Variants in TENM1 observed in about 807,000 individuals in gnomAD.
TENM1 encodes the protein teneurin-1.
TENM1 carries 35 observed loss-of-function variants against 174.8 expected under a neutral mutation model. That is an observed-to-expected ratio of 0.20 (90% CI 0.15 to 0.27). TENM1 has a LOEUF of 0.27. Among genes scored for constraint, TENM1 ranks in the 10% least tolerant of loss-of-function variants. The pLI, the probability that TENM1 is intolerant of heterozygous loss-of-function variation, is 1.00. For missense variants in TENM1, 1,633 were observed against 2,130.1 expected, an observed-to-expected ratio of 0.77 and a Z score of 4.59; for synonymous variants, 781 against 798.7, an observed-to-expected ratio of 0.98 and a Z score of 0.37.
At chrX:125,051,956 G>A in the TENM1 span, among the ~76,000 whole-genome samples, 2 of 109,625 alleles carry the variant, frequency 1.8e-5, no homozygotes, top group East Asian at 5.7e-4. Context: ...CTGACAAAGG[G>A]CTAATATCCA....
At chrX:124,790,829 A>G (rs1023299222) in intron 3 of TENM1, among the ~76,000 whole-genome samples, 13 of 111,569 alleles carry the variant, frequency 1.2e-4, no homozygotes, top group African/African-American at 4.2e-4. Flanking sequence ...ACTGATTTAT[A>G]GAATACTTAT....
intron 11 of TENM1, among the ~76,000 whole-genome samples, chrX:124,587,269 T>G (rs760442177): frequency 9.1e-6 from 1 of 110,159 alleles, no homozygotes; most frequent in Admixed American, 9.6e-5. Flanking sequence ...GGAGGCATCA[T>G]GCTACCTGAC....
At chrX:124,653,250 G>A (rs2051355984) in intron 7 of TENM1, among the ~76,000 whole-genome samples, 1 of 111,661 alleles carries the variant, frequency 9.0e-6, no homozygotes, top group African/African-American at 3.3e-5. Flanking sequence ...GGACACAGAT[G>A]TATGAAATCA....
At chrX:124,907,941 G>T (rs758123811) in intron 1 of TENM1, among the ~76,000 whole-genome samples, 49 of 111,665 alleles carry the variant, frequency 4.4e-4, no homozygotes, top group African/African-American at 1.4e-3. Flanking sequence ...TCTATTAGCT[G>T]TGGAAGTTGG....
chrX:124,772,935 T>C (rs900343877), intron 3 of TENM1, among the ~76,000 whole-genome samples: 4 of 111,813 alleles, frequency 3.6e-5, no homozygotes, highest in African/African-American at 6.5e-5. Context: ...AGTAAGTCTT[T>C]ATTGACAAAA....
rs775983824 is a variant in TENM1, at chrX:124,756,908, G to A, written c.536-19711C>T. 1.5e-4 allele frequency among the ~76,000 whole-genome samples: 17 copies of A among 111,990 alleles called. No individual in the cohort carries two copies. In the East Asian group the frequency reaches 3.9e-3, roughly 26 times the overall value. ...GGTGTCAGTGTGCCCCTACTGGGGG[G>A]TGCCTCCCAGTTAGGCTGCTCGGGG... On this transcript the variant is annotated intron_variant, in intron 3 of 31. Coordinates refer to ENST00000422452, the Ensembl canonical transcript of TENM1.
intron 1 of TENM1, among the ~76,000 whole-genome samples, chrX:124,957,188 C>T (rs2058586171): frequency 9.7e-6 from 1 of 103,257 alleles, no homozygotes; most frequent in African/African-American, 4.2e-5. Flanking sequence ...AACAAATGGA[C>T]GGATGGATAG....
intron 3 of TENM1, among the ~76,000 whole-genome samples, chrX:124,848,705 A>C (rs1274149645): frequency 9.0e-6 from 1 of 110,869 alleles, no homozygotes; most frequent in East Asian, 2.8e-4. Flanking sequence ...AAAATGGGAA[A>C]TCTCCTAATT....
chrX:125,077,567 T>TTA, the TENM1 span, among the ~76,000 whole-genome samples: 1 of 111,408 alleles, frequency 9.0e-6, no homozygotes, highest in Non-Finnish European at 1.9e-5. Flanking sequence ...TATTCTCATG[T>TTA]TAAGAATGCT....
At chrX:125,018,032 T>TA in the TENM1 span, among the ~76,000 whole-genome samples, 3 of 111,726 alleles carry the variant, frequency 2.7e-5, no homozygotes, top group Non-Finnish European at 5.7e-5. Context: ...AAATTAAATT[T>TA]AAAAAAGCAA....
intron 3 of TENM1, among the ~76,000 whole-genome samples, chrX:124,781,079 T>G (rs1031738377): frequency 8.9e-6 from 1 of 111,839 alleles, no homozygotes; most frequent in Non-Finnish European, 1.9e-5. Flanking sequence ...TTGTTTACCT[T>G]TATGTTAACC....
chrX:124,405,578 G>C (rs755760074), intron 26 of TENM1, among the ~76,000 whole-genome samples: 7 of 110,917 alleles, frequency 6.3e-5, no homozygotes, highest in Non-Finnish European at 1.3e-4. Context: ...TGTTGGATCA[G>C]CCTCCTCAGT....
intron 11 of TENM1, among the ~76,000 whole-genome samples, chrX:124,626,489 C>A (rs1379303115): frequency 1.8e-5 from 2 of 111,945 alleles, no homozygotes; most frequent in Non-Finnish European, 3.8e-5. Context: ...TGGACTGCTG[C>A]TGAATGCCTG....
exon 32 of TENM1, chrX:124,375,953 T>C (rs1221286544): frequency 8.9e-6 from 1 of 112,836 alleles, no homozygotes; most frequent in East Asian, 2.8e-4. Flanking sequence ...AAAGTACTTT[T>C]CTTTCAAATA....
At chrX:124,559,996 GAAGATGTGC>G (rs1042697656) in intron 14 of TENM1, among the ~76,000 whole-genome samples, 4 of 110,662 alleles carry the variant, frequency 3.6e-5, no homozygotes, top group African/African-American at 1.3e-4. Context: ...GAGAAGACAT[GAAGATGTGC>G]CAGGTAAAAG....
chrX:124,451,268 T>C (rs1370616519), intron 23 of TENM1, among the ~76,000 whole-genome samples: 4 of 109,946 alleles, frequency 3.6e-5, no homozygotes, highest in African/African-American at 1.3e-4. Flanking sequence ...TTTTCTTTTA[T>C]CCTCACTGGC....
chrX:125,190,273 G>A, the TENM1 span, among the ~76,000 whole-genome samples: 2 of 112,096 alleles, frequency 1.8e-5, no homozygotes, highest in African/African-American at 6.5e-5. Context: ...GCCAAAACTT[G>A]TCAATGCTAT....
chrX:124,630,064 A>G (rs145574934), intron 11 of TENM1, among the ~76,000 whole-genome samples: 140 of 112,482 alleles, frequency 1.2e-3, no homozygotes, highest in African/African-American at 4.4e-3. Context: ...AATCTCATCT[A>G]TTGTCAATAT....
At chrX:124,565,207 A>C (rs772726714) in intron 12 of TENM1, among the ~76,000 whole-genome samples, 168 bp downstream of exon 15, 1 of 112,117 alleles carries the variant, frequency 8.9e-6, no homozygotes, top group Non-Finnish European at 1.9e-5. Flanking sequence ...TGTCATCGAC[A>C]AAAGAAGAAA....
Sources: gnomAD v4.1 joint callset for allele counts (sites outside exome capture counted in the v4.1 genomes callset) on GRCh38, gnomAD v4.1.1 for gene constraint, MANE v1.5 for transcripts, NCBI Gene and HGNC (gene_info 2026-07-23, HGNC 2026-07-21) for gene names.